Variants in ZFAND6 observed in about 807,000 individuals in gnomAD.
The protein encoded by ZFAND6 is AN1-type zinc finger protein 6.
A neutral mutation model predicts 24.5 loss-of-function variants in ZFAND6; 12 were observed. That is an observed-to-expected ratio of 0.49 (90% CI 0.31 to 0.79). The LOEUF (loss-of-function observed/expected upper bound fraction) is 0.79, where lower values mean the gene tolerates loss of function less well. Ranked by LOEUF, ZFAND6 falls within the 30% of genes least tolerant of loss-of-function variation. The pLI is 0.04. For synonymous variants in ZFAND6, 92 were observed against 81.5 expected (o/e 1.13, Z -0.69); for missense variants, 207 against 245.9 (o/e 0.84, Z 1.06).
chr15:80,097,588 G>T (rs1214380927), intron 1 of ZFAND6, among the ~76,000 whole-genome samples: 1 of 152,126 alleles, frequency 6.6e-6, no homozygotes, highest in Non-Finnish European at 1.5e-5. Context: ...GGCAGAGGTT[G>T]CAGTGAGCCA....
chr15:80,094,595 TA>T (rs1401669159), intron 1 of ZFAND6, among the ~76,000 whole-genome samples: 1 of 152,190 alleles, frequency 6.6e-6, no homozygotes, highest in Non-Finnish European at 1.5e-5. Context: ...TCTGTCATAT[TA>T]TTTTTTTCTG....
chr15:80,109,137 C>T (rs1378927275), intron 2 of ZFAND6, among the ~76,000 whole-genome samples: 2 of 152,106 alleles, frequency 1.3e-5, no homozygotes, highest in Non-Finnish European at 2.9e-5. Flanking sequence ...GAGCCTTTCT[C>T]GTTTTTTGCC....
At chr15:80,070,783 A>G (rs1354480354) in intron 1 of ZFAND6, among the ~76,000 whole-genome samples, 3 of 152,046 alleles carry the variant, frequency 2.0e-5, no homozygotes, top group Non-Finnish European at 4.4e-5. Flanking sequence ...AGATTTTAAG[A>G]TTAAACTGTT....
At chr15:80,123,782 G>T (rs1366474198) in intron 5 of ZFAND6, among the ~76,000 whole-genome samples, 1 of 152,226 alleles carries the variant, frequency 6.6e-6, no homozygotes, top group East Asian at 1.9e-4. Context: ...GCTGACGTGG[G>T]AGGATTGCTT....
At chr15:80,103,278 T>A (rs2039132267) in intron 2 of ZFAND6, among the ~76,000 whole-genome samples, 1 of 152,216 alleles carries the variant, frequency 6.6e-6, no homozygotes, top group Non-Finnish European at 1.5e-5. Context: ...ATAAAGTGCT[T>A]AGCCCAGGGC....
At position 80,135,520 on chromosome 15, in the gene ZFAND6, A is replaced by G. The variant is rs535068259; in HGVS notation, c.479-1960A>G. On this transcript the variant is annotated intron_variant, in intron 6 of 6. Transcript: ENST00000261749. ...CCAGGCACTGTGCTGAACACTGCAT[A>G]AAAATTGGACTTACAGAAAAGAGTA... 4.6e-5 allele frequency among the ~76,000 whole-genome samples: 7 copies of G among 152,380 alleles called. No homozygotes were observed. The South Asian group carries it at 1.2e-3, about 27-fold the overall frequency.
At chr15:80,074,634 C>G (rs373498641) in intron 1 of ZFAND6, among the ~76,000 whole-genome samples, 13 of 151,872 alleles carry the variant, frequency 8.6e-5, no homozygotes, top group African/African-American at 3.1e-4. Flanking sequence ...AATGGTATAT[C>G]AGCATCTTTC....
At chr15:80,109,184 G>A (rs928354215) in intron 2 of ZFAND6, among the ~76,000 whole-genome samples, 1 of 152,126 alleles carries the variant, frequency 6.6e-6, no homozygotes, top group Non-Finnish European at 1.5e-5. Flanking sequence ...GTGGTGTGCA[G>A]GTAAGGTGGC....
Position 80,134,847 on chromosome 15 carries a change from G to C in ZFAND6, c.479-2633G>C, listed in dbSNP as rs148065868. Among the ~76,000 whole-genome samples the C allele has an allele frequency of 5.9e-3, 900 of 152,342 alleles. 2 individuals carry two copies. The highest frequency in any genetic ancestry group is 0.021 in the African/African-American group (868 of 41,578). ...CAGATTGACACTAGACAGTCTGACA[G>C]AAGGGGTCTGATTATTCAAGACTGC... On this transcript the variant is annotated intron_variant, in intron 6 of 6. Coordinates refer to ENST00000261749, the MANE Select transcript of ZFAND6 (RefSeq NM_019006.4).
chr15:80,128,863 G>A (rs1047391852), intron 5 of ZFAND6, among the ~76,000 whole-genome samples: 10 of 152,190 alleles, frequency 6.6e-5, no homozygotes, highest in Admixed American at 4.6e-4. Flanking sequence ...AGTAGTATTT[G>A]TATGCATAGA....
rs79865797 is a variant in ZFAND6 at position 80,132,894 on chromosome 15, G to T, written c.478+1601G>T. Among the ~76,000 whole-genome samples the T allele has an allele frequency of 5.3e-4, 80 of 150,058 alleles. 1 individual carries two copies. The East Asian group carries it at 0.015, about 29-fold the overall frequency. On this transcript the variant is annotated intron_variant, in intron 6 of 6. Coordinates refer to ENST00000261749, the MANE Select transcript of ZFAND6 (RefSeq NM_019006.4). ...TTCTGCCATTTCAAGAAAAATGAAT[G>T]ATGTCTGCCATTTCAGGATAAATGA...
intron 1 of ZFAND6, among the ~76,000 whole-genome samples, chr15:80,091,254 GGAA>G (rs796649741): frequency 2.3e-4 from 35 of 152,182 alleles, no homozygotes; most frequent in African/African-American, 7.9e-4. Flanking sequence ...GGGGTGAGAA[GGAA>G]GGAGGAGGAT....
At chr15:80,134,555 C>G (rs1465820081) in intron 6 of ZFAND6, among the ~76,000 whole-genome samples, 2 of 152,204 alleles carry the variant, frequency 1.3e-5, no homozygotes, top group African/African-American at 4.8e-5. Context: ...TGAAAGCTCT[C>G]AAGCCTGAAA....
chr15:80,119,767 G>A (rs1401526885), intron 2 of ZFAND6, among the ~76,000 whole-genome samples: 1 of 152,158 alleles, frequency 6.6e-6, no homozygotes, highest in Non-Finnish European at 1.5e-5. Context: ...CAGGGTTCTT[G>A]AAGTGAATTG....
rs184604420 is a variant in ZFAND6 at position 80,119,959 on chromosome 15, C to T, written c.-17-369C>T. Among the ~76,000 whole-genome samples, 91 of 152,288 alleles carry T rather than the reference C, an allele frequency of 6.0e-4. 1 individual carries two copies. The East Asian group carries it at 0.011, about 18-fold the overall frequency. On this transcript the variant is annotated intron_variant, in intron 2 of 6. Transcript: ENST00000261749. ...AATGCTTAGATATTAGATAATATAA[C>T]ATACATCAAAACTTATAATGTATAT...
Position 80,099,278 on chromosome 15 carries a change from ACTTTTT to A in ZFAND6, c.-18+705_-18+710del, listed in dbSNP as rs542819934. Among the ~76,000 whole-genome samples the A allele has an allele frequency of 5.4e-4, 82 of 152,108 alleles. No homozygotes were observed. The East Asian group carries it at 0.015, about 28-fold the overall frequency. The stretch of plus-strand genomic sequence containing the variant: ...GTTTTTTTCTACCCTCCTCCCCCCG[ACTTTTT>A]CTTTATGGATTTAGGAGTGAGACTC... On this transcript the variant is annotated intron_variant, in intron 2 of 6. Coordinates refer to ENST00000261749, the MANE Select transcript of ZFAND6 (RefSeq NM_019006.4).
chr15:80,117,246 G>A (rs865944973), intron 2 of ZFAND6, among the ~76,000 whole-genome samples: 2 of 150,114 alleles, frequency 1.3e-5, no homozygotes, highest in Non-Finnish European at 3.0e-5. Flanking sequence ...TTTTTGAGAC[G>A]GAGTCTCGCT....
At chr15:80,075,371 C>A in intron 1 of ZFAND6, 2 of 201,234 alleles carry the variant, frequency 9.9e-6, no homozygotes, top group Non-Finnish European at 2.1e-5. Context: ...TGCTGGGTAC[C>A]CCAAGGTAAA....
At chr15:80,128,893 C>G (rs895435154) in intron 5 of ZFAND6, among the ~76,000 whole-genome samples, 1 of 152,178 alleles carries the variant, frequency 6.6e-6, no homozygotes, top group Non-Finnish European at 1.5e-5. Flanking sequence ...TATTTTCACT[C>G]TTCTCCATTT....
Sources: gnomAD v4.1 joint callset for allele counts (sites outside exome capture counted in the v4.1 genomes callset) on GRCh38, gnomAD v4.1.1 for gene constraint, MANE v1.5 for transcripts, NCBI Gene and HGNC (gene_info 2026-07-23, HGNC 2026-07-21) for gene names.